Variants in DNM1L observed in about 807,000 individuals in gnomAD.
DNM1L encodes dynamin 1L, also known as dynamin-1-like protein.
A neutral mutation model predicts 92.8 loss-of-function variants in DNM1L; 33 were observed. The observed-to-expected ratio is 0.36, with a 90% CI of 0.27 to 0.48. The LOEUF (loss-of-function observed/expected upper bound fraction) is 0.48. Among genes scored for constraint, DNM1L ranks in the 20% least tolerant of loss-of-function variants. DNM1L has a pLI of 0.99. For missense variants in DNM1L, 485 were observed against 888.8 expected, an observed-to-expected ratio of 0.55 and a Z score of 5.78; for synonymous variants, 284 against 305.0, an observed-to-expected ratio of 0.93 and a Z score of 0.72.
intron 9 of DNM1L, 33 bp from the exon 10 acceptor site, chr12:32,730,981 A>G: frequency 6.2e-7 from 1 of 1,612,610 alleles, no homozygotes; most frequent in Non-Finnish European, 8.5e-7. Flanking sequence ...CCTTTTTGCA[A>G]TGCCAGAAAC....
chr12:32,740,353 A>G (rs1173710688), intron 17 of DNM1L, 56 bp from the exon 18 acceptor site: 1 of 1,609,218 alleles, frequency 6.2e-7, no homozygotes, highest in African/African-American at 1.3e-5. Flanking sequence ...TCAGATGTTA[A>G]AGCTGCCATT....
chr12:32,691,836 C>G (rs1476527152), intron 1 of DNM1L, among the ~76,000 whole-genome samples: 1 of 152,056 alleles, frequency 6.6e-6, no homozygotes, highest in Non-Finnish European at 1.5e-5. Flanking sequence ...GACAAAAGTT[C>G]CCCAGAGCTG....
chr12:32,720,876 C>T lies in DNM1L; in HGVS notation c.872+81C>T, dbSNP rs533341345. On this transcript the variant is annotated intron_variant, in intron 8 of 19. Coordinates refer to ENST00000549701, the MANE Select transcript of DNM1L (RefSeq NM_012062.5). ...GAGAGGGTTCATTTTCAGTTCCTTA[C>T]ATTTTCATACTGTTCCTAACAGCTT... The T allele has an allele frequency of 6.6e-5, 102 of 1,540,582 alleles. 1 individual carries two copies. The South Asian group carries it at 1.1e-3, about 17-fold the overall frequency.
In DNM1L at chr12:32,731,199, CTG is replaced by C; in HGVS notation, c.1200+69_1200+70del. On this transcript the variant is annotated intron_variant, in intron 10 of 19. Coordinates refer to ENST00000549701, the MANE Select transcript of DNM1L (RefSeq NM_012062.5). This position sits in a 1 kb window ranked among gnomAD's most constrained non-coding sequence, Gnocchi z 5.1. ...GGTTAAAGTTTTTCTTACCCATATA[CTG>C]TGTCTTTTTAAATTTAATTATACAG... 6 of 1,605,252 alleles carry C rather than the reference CTG, an allele frequency of 3.7e-6. No homozygotes were observed. The highest frequency in any genetic ancestry group is 1.7e-4 in the Middle Eastern group (1 of 6,002).
At chr12:32,690,305 G>C (rs961849272) in intron 1 of DNM1L, among the ~76,000 whole-genome samples, 1 of 152,150 alleles carries the variant, frequency 6.6e-6, no homozygotes, top group East Asian at 1.9e-4. Flanking sequence ...AAAATTGGTA[G>C]ATTTAGTTGA....
chr12:32,709,679 G>A (rs1043282970), intron 4 of DNM1L: 1 of 152,182 alleles, frequency 6.6e-6, no homozygotes, highest in African/African-American at 2.4e-5. Context: ...GACTGCATAT[G>A]CCTAACATAT....
chr12:32,744,689 G>A lies in DNM1L; in HGVS notation c.*1279G>A, dbSNP rs565593913. 4.6e-4 allele frequency: 162 copies of A among 351,824 alleles called. 3 individuals are homozygous for A. Among genetic ancestry groups the A allele is most frequent in the South Asian group, 3.5e-3 (154 of 43,838 alleles). 21.8% of individuals were successfully genotyped at this position (351,824 alleles called of 1,614,324 possible). ...GATCGTGCCATTGCACTCCAGCCTTGGCAACAAGAGCGAAACTCCGTCTCA... is the reference window on the plus strand; with the variant it reads ...GATCGTGCCATTGCACTCCAGCCTTAGCAACAAGAGCGAAACTCCGTCTCA... On this transcript the variant is annotated 3_prime_UTR_variant, in exon 20 of 20. Transcript: ENST00000549701.
At chr12:32,716,501 T>C (rs1180303447) in intron 6 of DNM1L, among the ~76,000 whole-genome samples, 1 of 151,960 alleles carries the variant, frequency 6.6e-6, no homozygotes, top group African/African-American at 2.4e-5. Flanking sequence ...CTATTTTTTG[T>C]AGAGACAGAG....
intron 1 of DNM1L, chr12:32,692,973 A>G (rs1198031618): frequency 2.0e-5 from 3 of 152,200 alleles, no homozygotes; most frequent in Admixed American, 2.0e-4. Flanking sequence ...TGTGTTCCCC[A>G]GTGTTTGCTA....
intron 1 of DNM1L, among the ~76,000 whole-genome samples, chr12:32,690,135 A>G (rs1166244038): frequency 3.3e-5 from 5 of 152,332 alleles, no homozygotes; most frequent in East Asian, 1.9e-4. Context: ...GGTGGGGGAA[A>G]AAGCACTGAT....
chr12:32,707,193 A>C lies in DNM1L; in HGVS notation c.251-174A>C, dbSNP rs996474535. On this transcript the variant is annotated intron_variant, in intron 2 of 19. Transcript: ENST00000549701. ...AATTTTTAAAATATAATTTAGCAGA[A>C]AATACAATTTTAGAAAAATATAATT... 1.6e-5 allele frequency: 8 copies of C among 513,308 alleles called. No homozygotes were observed. The African/African-American group carries it at 1.6e-4, about 10-fold the overall frequency. The allele number at this position is 513,308 out of a possible 1,614,324, so 31.8% of individuals were successfully genotyped here.
At chr12:32,718,086 TTATA>T (rs1033252127) in intron 6 of DNM1L, among the ~76,000 whole-genome samples, 2 of 134,514 alleles carry the variant, frequency 1.5e-5, no homozygotes, top group African/African-American at 5.8e-5. Context: ...TATACATATT[TTATA>T]TATATACTAT....
At chr12:32,737,415 TA>T in intron 14 of DNM1L, 1 of 465,946 alleles carries the variant, frequency 2.1e-6, no homozygotes. Context: ...TCAAGCTTTT[TA>T]AAAAAATTCA....
At chr12:32,698,292 C>T (rs2137285630) in intron 1 of DNM1L, among the ~76,000 whole-genome samples, 1 of 152,242 alleles carries the variant, frequency 6.6e-6, no homozygotes, top group East Asian at 1.9e-4. Context: ...AAATGAGGAG[C>T]CCTGGCAGGG....
chr12:32,727,325 C>CA, intron 9 of DNM1L: 2 of 856,276 alleles, frequency 2.3e-6, no homozygotes, highest in Admixed American at 3.4e-5. Context: ...TGAGAGCATT[C>CA]ACTCCTCTTT....
At chr12:32,686,046 T>C (rs919082736) in intron 1 of DNM1L, among the ~76,000 whole-genome samples, 6 of 87,498 alleles carry the variant, frequency 6.9e-5, no homozygotes, top group Non-Finnish European at 1.3e-4. Context: ...AAAATTAGCC[T>C]TTTTTTTTTT....
chr12:32,710,722 T>G (rs1373198137), intron 4 of DNM1L, among the ~76,000 whole-genome samples: 2 of 152,146 alleles, frequency 1.3e-5, no homozygotes, highest in Admixed American at 1.3e-4. Context: ...TATAACATGA[T>G]ACAGGGATAG....
chr12:32,716,266 G>A (rs972123215), intron 6 of DNM1L, among the ~76,000 whole-genome samples: 2 of 151,936 alleles, frequency 1.3e-5, no homozygotes, highest in Admixed American at 6.6e-5. Context: ...AATGTCTTGA[G>A]TTGGTTGTGA....
At chr12:32,696,580 A>G (rs1952474506) in intron 1 of DNM1L, among the ~76,000 whole-genome samples, 1 of 151,002 alleles carries the variant, frequency 6.6e-6, no homozygotes, top group African/African-American at 2.5e-5. Flanking sequence ...AGCCTGGGCA[A>G]CAGAGCTAGA....
Sources: gnomAD v4.1 joint callset for allele counts (sites outside exome capture counted in the v4.1 genomes callset) on GRCh38, gnomAD v4.1.1 for gene constraint, Gnocchi (gnomAD v3.1) non-coding constraint, MANE v1.5 for transcripts, NCBI Gene and HGNC (gene_info 2026-07-23, HGNC 2026-07-21) for gene names.